Variants in ROBO2 observed in about 807,000 individuals in gnomAD.
ROBO2 encodes roundabout homolog 2.
Under a neutral mutation model 160.8 loss-of-function variants are expected in ROBO2, and 53 were observed. The observed-to-expected ratio is 0.33, with a 90% CI of 0.26 to 0.41. The LOEUF (loss-of-function observed/expected upper bound fraction) is 0.41, where lower values mean the gene tolerates loss of function less well. ROBO2 is among the 10% of genes least tolerant of loss of function. ROBO2 has a pLI of 1.00. For missense variants in ROBO2, 1,577 were observed against 1,722.4 expected, an observed-to-expected ratio of 0.92 and a Z score of 1.49; for synonymous variants, 664 against 611.7, an observed-to-expected ratio of 1.09 and a Z score of -1.26.
intron 2 of ROBO2, among the ~76,000 whole-genome samples, chr3:77,032,814 A>G (rs2063401031): frequency 6.6e-6 from 1 of 151,984 alleles, no homozygotes; most frequent in Non-Finnish European, 1.5e-5. Context: ...CAGAGCGCCA[A>G]GGGGGTAAGG....
chr3:76,987,502 T>G (rs1354859387), intron 2 of ROBO2, among the ~76,000 whole-genome samples: 1 of 152,192 alleles, frequency 6.6e-6, no homozygotes, highest in East Asian at 1.9e-4. Flanking sequence ...TTGGGAACAG[T>G]AGTCACAAAA....
intron 2 of ROBO2, among the ~76,000 whole-genome samples, chr3:76,714,674 C>T (rs2093351831): frequency 6.6e-6 from 1 of 152,128 alleles, no homozygotes; most frequent in Admixed American, 6.5e-5. Context: ...GGACTCAACA[C>T]ATTTCAGTTT....
At chr3:76,934,665 C>A (rs1238622191) in intron 2 of ROBO2, among the ~76,000 whole-genome samples, 1 of 152,004 alleles carries the variant, frequency 6.6e-6, no homozygotes, top group African/African-American at 2.4e-5. Flanking sequence ...CCCTTGAACC[C>A]GGGAGGCGGA....
chr3:77,468,303 A>C (rs2082995387), intron 2 of ROBO2, among the ~76,000 whole-genome samples: 1 of 152,210 alleles, frequency 6.6e-6, no homozygotes, highest in African/African-American at 2.4e-5. Flanking sequence ...AAACCAAAGC[A>C]AATGATTGCC....
intron 2 of ROBO2, among the ~76,000 whole-genome samples, chr3:76,451,775 A>G (rs1237142596): frequency 1.3e-5 from 2 of 152,202 alleles, no homozygotes; most frequent in African/African-American, 4.8e-5. Context: ...AACATCATTT[A>G]TGACTAAGAA....
chr3:77,600,790 G>T (rs952396587), intron 19 of ROBO2, among the ~76,000 whole-genome samples: 1 of 152,118 alleles, frequency 6.6e-6, no homozygotes, highest in Non-Finnish European at 1.5e-5. Context: ...AATGCAGTAT[G>T]CTTAACATCA....
chr3:77,620,010 C>T (rs1018269760), intron 22 of ROBO2, among the ~76,000 whole-genome samples: 7 of 152,164 alleles, frequency 4.6e-5, no homozygotes, highest in African/African-American at 1.7e-4. Context: ...AGAAGAGTGT[C>T]CCACTTAGTA....
chr3:76,575,909 A>G (rs1460646070), intron 2 of ROBO2, among the ~76,000 whole-genome samples: 1 of 149,938 alleles, frequency 6.7e-6, no homozygotes, highest in African/African-American at 2.4e-5. Context: ...AGAATATGCT[A>G]TCATTTTTTT....
At chr3:77,277,598 C>T (rs906416162) in intron 2 of ROBO2, among the ~76,000 whole-genome samples, 2 of 152,094 alleles carry the variant, frequency 1.3e-5, no homozygotes, top group Non-Finnish European at 2.9e-5. Flanking sequence ...ATAACAACTT[C>T]CAGCTCCATT....
chr3:76,440,965 AGCTGAAAACAT>A lies in ROBO2; in HGVS notation c.109+503372_109+503382del, dbSNP rs1338065960. On this transcript the variant is annotated intron_variant, in intron 2 of 26. Transcript: ENST00000487694. ...CTCTAGCCTAACTCCCAGCACATAC[AGCTGAAAACAT>A]GCTGAAAATATGAATATTAACATTT... is the stretch of plus-strand genomic sequence containing the variant. Among the ~76,000 whole-genome samples, 7 of 152,278 alleles carry A rather than the reference AGCTGAAAACAT, an allele frequency of 4.6e-5. No individual in the cohort carries two copies. The South Asian group carries it at 1.4e-3, about 32-fold the overall frequency.
At chr3:76,353,261 TTA>T (rs1184988262) in intron 2 of ROBO2, among the ~76,000 whole-genome samples, 2 of 151,950 alleles carry the variant, frequency 1.3e-5, no homozygotes, top group African/African-American at 4.8e-5. Flanking sequence ...CGAGAGAGTT[TTA>T]TGTCATGCTT....
intron 2 of ROBO2, among the ~76,000 whole-genome samples, chr3:76,598,354 G>A (rs73841209): frequency 0.023 from 3,536 of 152,178 alleles, 152 homozygotes; most frequent in African/African-American, 0.08. Flanking sequence ...GAGAATTCAA[G>A]AGACTTCTGA....
chr3:77,023,258 T>C (rs2062753672), intron 2 of ROBO2, among the ~76,000 whole-genome samples: 2 of 152,186 alleles, frequency 1.3e-5, no homozygotes, highest in South Asian at 4.1e-4. Context: ...ACCATGTAAG[T>C]AGTGCCTTTC....
intron 2 of ROBO2, among the ~76,000 whole-genome samples, chr3:76,238,364 T>G (rs1705077987): frequency 6.6e-6 from 1 of 151,594 alleles, no homozygotes; most frequent in Non-Finnish European, 1.5e-5. Flanking sequence ...GAGTGAGGAG[T>G]GAAGTGGGAA....
intron 2 of ROBO2, among the ~76,000 whole-genome samples, chr3:76,428,199 C>T (rs377231426): frequency 9.2e-5 from 14 of 152,030 alleles, no homozygotes; most frequent in African/African-American, 2.2e-4. Flanking sequence ...TACCTGATTT[C>T]GAGTCTTCCA....
intron 15 of ROBO2, among the ~76,000 whole-genome samples, chr3:77,579,217 G>C (rs1002685085): frequency 6.6e-6 from 1 of 152,030 alleles, no homozygotes; most frequent in Non-Finnish European, 1.5e-5. Flanking sequence ...CTATATCCAA[G>C]AAGATGCCCT....
chr3:76,301,602 G>A (rs1214328674), intron 2 of ROBO2, among the ~76,000 whole-genome samples: 1 of 152,040 alleles, frequency 6.6e-6, no homozygotes. Flanking sequence ...AATGTAGTAA[G>A]TGTTGTGGTG....
At chr3:76,822,871 T>C (rs2066243455) in intron 2 of ROBO2, among the ~76,000 whole-genome samples, 1 of 152,066 alleles carries the variant, frequency 6.6e-6, no homozygotes, top group Non-Finnish European at 1.5e-5. Flanking sequence ...TTCTTTTCTT[T>C]CCTCTATTTT....
chr3:77,295,279 T>C (rs1298217685), intron 2 of ROBO2, among the ~76,000 whole-genome samples: 1 of 148,314 alleles, frequency 6.7e-6, no homozygotes, highest in Admixed American at 6.7e-5. Context: ...AAGCTGAGGC[T>C]AGATCACCAA....
Sources: gnomAD v4.1 joint callset for allele counts (sites outside exome capture counted in the v4.1 genomes callset) on GRCh38, gnomAD v4.1.1 for gene constraint, MANE v1.5 for transcripts, NCBI Gene and HGNC (gene_info 2026-07-23, HGNC 2026-07-21) for gene names.